CDH12: variants seen among roughly 807,000 people sequenced by gnomAD.
CDH12 encodes the protein cadherin 12, also known as cadherin-12.
CDH12 carries 41 observed loss-of-function variants against 74.1 expected under a neutral mutation model. That is an observed-to-expected ratio of 0.55 (90% CI 0.43 to 0.72). CDH12 has a LOEUF of 0.72. Ranked by LOEUF, CDH12 falls within the 30% of genes least tolerant of loss-of-function variation. The pLI is 0.00. For missense variants in CDH12, 945 were observed against 977.2 expected (o/e 0.97, Z 0.44); for synonymous variants, 399 against 355.0 (o/e 1.12, Z -1.39).
intron 8 of CDH12, among the ~76,000 whole-genome samples, chr5:21,820,983 T>C (rs1748336851): frequency 6.6e-6 from 1 of 151,962 alleles, no homozygotes; most frequent in South Asian, 2.1e-4. Flanking sequence ...AATATACCTA[T>C]TGTGCTTAGC....
chr5:21,925,013 T>C (rs1207234493), intron 6 of CDH12, among the ~76,000 whole-genome samples: 2 of 152,180 alleles, frequency 1.3e-5, no homozygotes, highest in Non-Finnish European at 2.9e-5. Context: ...CATTTTTTTC[T>C]GCATTTCAAA....
chr5:22,766,055 A>G lies in CDH12; in HGVS notation c.-523+87003T>C, dbSNP rs182180272. ...AAATCTCATTGGAATTAAGAAATTG[A>G]AAATGAAAATCATGAGGATACAATT... On this transcript the variant is annotated intron_variant, in intron 1 of 14. Coordinates refer to ENST00000382254, the MANE Select transcript of CDH12 (RefSeq NM_004061.5). 2.7e-3 allele frequency among the ~76,000 whole-genome samples: 404 copies of G among 152,114 alleles called. 3 individuals carry two copies. The highest frequency in any genetic ancestry group is 9.4e-3 in the African/African-American group (390 of 41,556).
At chr5:22,583,046 G>A (rs148222648) in intron 1 of CDH12, among the ~76,000 whole-genome samples, 19 of 152,196 alleles carry the variant, frequency 1.2e-4, no homozygotes, top group Non-Finnish European at 2.5e-4. Context: ...AGAGAGGTAC[G>A]CAGAAATAGT....
intron 1 of CDH12, among the ~76,000 whole-genome samples, chr5:22,553,229 T>C (rs890743398): frequency 2.6e-5 from 4 of 152,202 alleles, no homozygotes; most frequent in Admixed American, 6.5e-5. Context: ...ATTTAAACAT[T>C]GGAAACCTCA....
intron 2 of CDH12, among the ~76,000 whole-genome samples, chr5:22,473,299 C>G (rs13181155): frequency 0.55 from 84,064 of 151,906 alleles, 23,489 homozygotes; most frequent in Admixed American, 0.69. Context: ...GACTTATATT[C>G]TTTATAAAAT....
At chr5:22,423,955 ATC>A (rs1311670268) in intron 2 of CDH12, among the ~76,000 whole-genome samples, 3 of 138,858 alleles carry the variant, frequency 2.2e-5, no homozygotes, top group African/African-American at 8.2e-5. Flanking sequence ...GTGAGCCGAG[ATC>A]CCGCCACTGC....
chr5:21,801,882 G>A (rs749893808), intron 10 of CDH12, among the ~76,000 whole-genome samples: 10 of 152,024 alleles, frequency 6.6e-5, no homozygotes, highest in Non-Finnish European at 1.2e-4. Context: ...ATTAAATCCC[G>A]TTTATACATG....
intron 4 of CDH12, among the ~76,000 whole-genome samples, chr5:22,168,598 T>G (rs1307668557): frequency 6.6e-6 from 1 of 152,058 alleles, no homozygotes; most frequent in East Asian, 1.9e-4. Flanking sequence ...GTATTAAAAC[T>G]AAGAGCAAAT....
intron 2 of CDH12, among the ~76,000 whole-genome samples, chr5:22,464,750 C>G (rs927690762): frequency 6.6e-6 from 1 of 151,980 alleles, no homozygotes; most frequent in Non-Finnish European, 1.5e-5. Flanking sequence ...GCCTGTAATC[C>G]CAGCACTTTG....
chr5:22,140,453 TA>T (rs1746722867), intron 4 of CDH12, among the ~76,000 whole-genome samples: 1 of 75,116 alleles, frequency 1.3e-5, no homozygotes, highest in Non-Finnish European at 3.6e-5. Context: ...AAAAGAGAAG[TA>T]AGTTTCCTTT....
In CDH12 at chr5:22,523,367, T is replaced by A. The variant is rs1407524521; in HGVS notation, c.-522-18003A>T. 2.0e-5 allele frequency among the ~76,000 whole-genome samples: 3 copies of A among 152,282 alleles called. No individual in the cohort carries two copies. The East Asian group carries it at 5.8e-4, about 29-fold the overall frequency. ...TCCATTTTCAACAGACTGTTTGACA[T>A]CTTTTCCTGAATACACTTCTATCCA... On this transcript the variant is annotated intron_variant, in intron 1 of 14. Transcript: ENST00000382254.
At chr5:22,561,765 A>G (rs1481930793) in intron 1 of CDH12, among the ~76,000 whole-genome samples, 1 of 152,208 alleles carries the variant, frequency 6.6e-6, no homozygotes, top group Non-Finnish European at 1.5e-5. Flanking sequence ...AGAGTGCAAA[A>G]TTTCAAGTTA....
At chr5:22,682,623 TTGTC>T (rs1187133121) in intron 1 of CDH12, among the ~76,000 whole-genome samples, 2 of 152,072 alleles carry the variant, frequency 1.3e-5, no homozygotes, top group Non-Finnish European at 2.9e-5. Flanking sequence ...GAAATATTTT[TTGTC>T]TGTCTAAAGT....
chr5:22,342,824 C>G (rs1739931976), intron 3 of CDH12, among the ~76,000 whole-genome samples: 1 of 142,802 alleles, frequency 7.0e-6, no homozygotes, highest in African/African-American at 2.6e-5. Flanking sequence ...CTCTTTCTCT[C>G]TCTGTCTCTC....
intron 3 of CDH12, among the ~76,000 whole-genome samples, chr5:22,228,407 C>T (rs1402950002): frequency 6.6e-6 from 1 of 151,998 alleles, no homozygotes; most frequent in East Asian, 1.9e-4. Context: ...GACTATGAAG[C>T]TTTGCATAAT....
At chr5:21,867,592 T>A (rs6879918) in intron 6 of CDH12, among the ~76,000 whole-genome samples, 147,381 of 152,236 alleles carry the variant, frequency 0.97, 71,492 homozygotes, top group Non-Finnish European at 1. Context: ...TTGAACTTGC[T>A]TGGGGCCTGT....
At chr5:21,783,630 G>A in intron 10 of CDH12, 136 bp from the exon 11 acceptor site, 1 of 646,854 alleles carries the variant, frequency 1.5e-6, no homozygotes, top group Admixed American at 2.7e-5. Flanking sequence ...GACTGTAAAT[G>A]ACAGCTTCTT....
At chr5:21,904,197 G>C (rs1376919710) in intron 6 of CDH12, among the ~76,000 whole-genome samples, 1 of 152,016 alleles carries the variant, frequency 6.6e-6, no homozygotes, top group Non-Finnish European at 1.5e-5. Context: ...GTGGTGTTTG[G>C]GTTCTTTTTC....
chr5:22,043,392 A>G (rs1739708922), intron 5 of CDH12, among the ~76,000 whole-genome samples: 1 of 152,198 alleles, frequency 6.6e-6, no homozygotes, highest in African/African-American at 2.4e-5. Flanking sequence ...ACAAAATTCA[A>G]CATCCCTTCC....
Sources: gnomAD v4.1 joint callset for allele counts (sites outside exome capture counted in the v4.1 genomes callset) on GRCh38, gnomAD v4.1.1 for gene constraint, MANE v1.5 for transcripts, NCBI Gene and HGNC (gene_info 2026-07-23, HGNC 2026-07-21) for gene names.